BLTP1: variants seen among roughly 807,000 people sequenced by gnomAD.
BLTP1 encodes fragile site-associated protein.
the BLTP1 span, chr4:122,347,454 A>G: frequency 1.3e-6 from 2 of 1,535,258 alleles, no homozygotes; most frequent in African/African-American, 2.8e-5. Context: ...GGGTGAACTT[A>G]TTTTATAACA....
the BLTP1 span, chr4:122,276,343 A>G: frequency 1.7e-6 from 1 of 599,100 alleles, no homozygotes; most frequent in Non-Finnish European, 2.1e-6. Flanking sequence ...TGATAATGGA[A>G]GCTTAAAAAA....
chr4:122,172,081 G>A, the BLTP1 span, among the ~76,000 whole-genome samples: 5 of 151,714 alleles, frequency 3.3e-5, no homozygotes, highest in Admixed American at 3.3e-4. Flanking sequence ...ATTTTTTCTA[G>A]AATTTTTTTT....
the BLTP1 span, chr4:122,258,632 CAT>C: frequency 6.6e-7 from 1 of 1,522,814 alleles, no homozygotes; most frequent in Non-Finnish European, 8.8e-7. Context: ...TAACTAGAAA[CAT>C]AGGGGCTGAT....
At chr4:122,321,830 C>T in the BLTP1 span, among the ~76,000 whole-genome samples, 34 of 16,830 alleles carry the variant, frequency 2.0e-3, no homozygotes, top group South Asian at 0.019. Context: ...GTATATGATT[C>T]TAGGTTGTTG....
At chr4:122,215,837 C>T in the BLTP1 span, among the ~76,000 whole-genome samples, 3 of 150,706 alleles carry the variant, frequency 2.0e-5, no homozygotes, top group South Asian at 2.1e-4. Context: ...ATCCCTCACC[C>T]CCCCCATCCT....
chr4:122,234,564 C>T, the BLTP1 span, among the ~76,000 whole-genome samples: 8 of 150,810 alleles, frequency 5.3e-5, no homozygotes, highest in African/African-American at 9.8e-5. Flanking sequence ...TGCTTATTTC[C>T]GTCTCACTTG....
the BLTP1 span, chr4:122,348,600 AATC>A: frequency 6.2e-7 from 1 of 1,607,622 alleles, no homozygotes; most frequent in Non-Finnish European, 8.5e-7. Flanking sequence ...CCTTTTAACA[AATC>A]AAACAAAGCA....
the BLTP1 span, chr4:122,174,528 T>C: frequency 6.3e-7 from 1 of 1,596,508 alleles, no homozygotes; most frequent in African/African-American, 1.4e-5. Flanking sequence ...CCCTACTGTC[T>C]GTTAAAACAG....
At chr4:122,194,576 A>C in the BLTP1 span, 13 of 963,044 alleles carry the variant, frequency 1.3e-5, no homozygotes, top group Non-Finnish European at 1.6e-5. Flanking sequence ...AATCTCAAGA[A>C]AGGTTTATTT....
the BLTP1 span, among the ~76,000 whole-genome samples, chr4:122,317,596 A>G: frequency 6.6e-6 from 1 of 150,416 alleles, no homozygotes; most frequent in African/African-American, 2.4e-5. Context: ...GGTAATGGTC[A>G]TGCCTCATCT....
chr4:122,169,844 G>A, the BLTP1 span: 1 of 985,210 alleles, frequency 1.0e-6, no homozygotes, highest in Non-Finnish European at 1.2e-6. Context: ...ATCTGAACTA[G>A]GAAGATTGTT....
chr4:122,258,956 G>A, the BLTP1 span: 35 of 603,076 alleles, frequency 5.8e-5, no homozygotes, highest in African/African-American at 3.0e-4. Flanking sequence ...TAGCATTTTC[G>A]TGTTGAAATT....
At chr4:122,245,973 T>TG in the BLTP1 span, 3 of 247,138 alleles carry the variant, frequency 1.2e-5, no homozygotes, top group Non-Finnish European at 1.9e-5. Context: ...TCAACCATGA[T>TG]GCTACCAGTC....
chr4:122,292,685 A>C, the BLTP1 span: 4 of 706,782 alleles, frequency 5.7e-6, no homozygotes, highest in Middle Eastern at 1.5e-3. Context: ...AATATTAAGA[A>C]AATGGAAATT....
the BLTP1 span, among the ~76,000 whole-genome samples, chr4:122,182,168 A>G: frequency 1.3e-5 from 2 of 152,236 alleles, no homozygotes; most frequent in Non-Finnish European, 2.9e-5. Flanking sequence ...GAGAGACAGC[A>G]ATATGCTAAT....
chr4:122,220,499 C>T, the BLTP1 span: 1 of 1,544,684 alleles, frequency 6.5e-7, no homozygotes, highest in Non-Finnish European at 8.9e-7. Context: ...ATGGTGGAGA[C>T]ATAGAGATTT....
At chr4:122,230,096 G>A in the BLTP1 span, 1 of 1,614,144 alleles carries the variant, frequency 6.2e-7, no homozygotes, top group Non-Finnish European at 8.5e-7. Flanking sequence ...TTGGCTTGAA[G>A]CTGGGTCAGC....
the BLTP1 span, among the ~76,000 whole-genome samples, chr4:122,288,196 A>C: frequency 6.6e-6 from 1 of 152,124 alleles, no homozygotes; most frequent in Non-Finnish European, 1.5e-5. Context: ...ACCTTGTACT[A>C]ATCATAGGAC....
At chr4:122,281,537 C>T in the BLTP1 span, 3 of 1,577,498 alleles carry the variant, frequency 1.9e-6, no homozygotes, top group Non-Finnish European at 2.6e-6. Flanking sequence ...GCTTTCTAGC[C>T]CACAGCCTGT....
Sources: allele counts gnomAD v4.1 joint callset (sites outside exome capture counted in the v4.1 genomes callset), GRCh38; gene constraint gnomAD v4.1.1; transcripts MANE v1.5; gene names NCBI Gene and HGNC (gene_info 2026-07-23, HGNC 2026-07-21).